Variants in CASP14 observed in about 807,000 individuals in gnomAD.
CASP14 encodes the protein caspase 14, also known as caspase-14.
CASP14 carries 27 observed loss-of-function variants against 28.4 expected under a neutral mutation model. The ratio of observed to expected loss-of-function variants is 0.95; its 90% confidence interval spans 0.70 to 1.31. The LOEUF (loss-of-function observed/expected upper bound fraction) is 1.31, where lower values mean the gene tolerates loss of function less well. CASP14 is among the 50% of genes most tolerant of loss of function. The probability of loss-of-function intolerance (pLI) is 0.00; values close to 1 mark genes in which losing one functional copy is unlikely to be tolerated. For synonymous variants in CASP14, 115 were observed against 118.6 expected (o/e 0.97, Z 0.20); for missense variants, 323 against 312.8 (o/e 1.03, Z -0.25).
At position 15,053,771 on chromosome 19, in the gene CASP14, C is replaced by T. The variant is rs1404950100; in HGVS notation, c.216C>T (p.Ile72=). 5.6e-6 allele frequency: 9 copies of T among 1,613,698 alleles called. No individual in the cohort carries two copies. In the South Asian group the frequency reaches 6.6e-5, roughly 12 times the overall value. ...AGCTGGAAAAATTCCAGCAGGCCAT[C>T]GATTCCCGGGAAGATCCCGTCAGTT... ...QEELEKFQQA[I]DSREDPVSCA... Residue 72 remains isoleucine (I), a synonymous_variant, in exon 4 of 7, where the codon ATC becomes ATT. Transcript: ENST00000427043.
chr19:15,055,538 G>C lies in CASP14; in HGVS notation c.624+5G>C, dbSNP rs2046112972. ...ATCTTGGAACTTCTGACAGAGGTGA[G>C]TTGACAAAAGGTAGCTGGGACCACC... On this transcript the variant is annotated splice_donor_5th_base_variant and intron_variant, in intron 6 of 6. Coordinates refer to ENST00000427043, the MANE Select transcript of CASP14 (RefSeq NM_012114.3). The C allele has an allele frequency of 1.2e-6, 2 of 1,610,520 alleles. No individual in the cohort carries two copies. Among genetic ancestry groups the C allele is most frequent in the South Asian group, 2.2e-5 (2 of 90,990 alleles).
At chr19:15,053,992 TTTG>T (rs753056201) in intron 4 of CASP14, 34 bp downstream of exon 4, 30 of 1,566,328 alleles carry the variant, frequency 1.9e-5, no homozygotes, top group Non-Finnish European at 2.4e-5. Flanking sequence ...GAGTCTGTGG[TTTG>T]TTGTTTCTGT....
intron 2 of CASP14, among the ~76,000 whole-genome samples, chr19:15,052,944 A>G (rs2046097794): frequency 6.6e-6 from 1 of 152,230 alleles, no homozygotes. Context: ...CACCCAATTC[A>G]ATTTGAATTT....
Position 15,056,046 on chromosome 19 carries a change from C to G in CASP14, c.686C>G (p.Pro229Arg). Reference sequence around the variant, plus strand: ...GAAGGAAAAGCAAGGAAAACGAACCCTGAAATCCAAAGCACCCTCCGGAAA... The same window carrying G: ...GAAGGAAAAGCAAGGAAAACGAACCGTGAAATCCAAAGCACCCTCCGGAAA... ...VQEGKARKTNPEIQSTLRKRL... is the reference protein window; with the variant it reads ...VQEGKARKTNREIQSTLRKRL... The change falls in exon 7 of 7, where the codon CCT (proline) becomes CGT (arginine). Residue 229 changes from proline to arginine, a missense_variant. Physicochemically the swap from Pro to Arg is moderately radical, Grantham distance 103. Coordinates refer to ENST00000427043, the MANE Select transcript of CASP14 (RefSeq NM_012114.3). 6.2e-7 allele frequency: 1 copy of G among 1,608,500 alleles called. No individual in the cohort carries two copies. The highest frequency in any genetic ancestry group is 8.5e-7 in the Non-Finnish European group (1 of 1,177,358).
rs979973795 is a variant in CASP14 at position 15,056,342 on chromosome 19, C to T, written c.*253C>T. On this transcript the variant is annotated 3_prime_UTR_variant, in exon 7 of 7. Coordinates refer to ENST00000427043, the MANE Select transcript of CASP14 (RefSeq NM_012114.3). ...GACTTTCTATCTTTATTAATGCAAC[C>T]GAAGAGACCTAAGAGTGCATTCACT... 8.3e-5 allele frequency: 31 copies of T among 375,636 alleles called. No individual in the cohort carries two copies. Among genetic ancestry groups the T allele is most frequent in the Non-Finnish European group, 6.1e-5 (12 of 195,150 alleles). The allele number at this position is 375,636 out of a possible 1,614,324, so 23.3% of individuals were successfully genotyped here.
intron 1 of CASP14, 47 bp from the exon 2 acceptor site, chr19:15,052,159 T>C: frequency 7.0e-7 from 1 of 1,431,448 alleles, no homozygotes; most frequent in East Asian, 2.6e-5. Context: ...CCTGAGCCCC[T>C]CGGCCTCCCT....
chr19:15,055,026 A>G, intron 4 of CASP14, 132 bp from the exon 5 acceptor site: 2 of 689,718 alleles, frequency 2.9e-6, no homozygotes, highest in Non-Finnish European at 5.3e-6. Flanking sequence ...TGCAGCCTCA[A>G]GCTCCCAGGT....
At position 15,049,647 on chromosome 19, in the gene CASP14, T is replaced by C. The variant is rs1047789246; in HGVS notation, c.-47+2T>C. ...GAGGAACAGCTGCCTCTAGAGTTGG[T>C]AAGTGATTTGGTGGATATTAGCCTC... is the stretch of plus-strand genomic sequence containing the variant. On this transcript the variant is annotated splice_donor_variant, in intron 1 of 6. Coordinates refer to ENST00000427043, the MANE Select transcript of CASP14 (RefSeq NM_012114.3). LOFTEE classifies it low-confidence loss of function (5UTR_SPLICE). The C allele has an allele frequency of 6.6e-6, 1 of 151,856 alleles. No homozygotes were observed. The highest frequency in any genetic ancestry group is 6.6e-5 in the Admixed American group (1 of 15,070). 9.4% of individuals were successfully genotyped at this position (151,856 alleles called of 1,614,324 possible). A position where few individuals can be genotyped will look rare whatever the true frequency, so the allele number is the denominator to read the frequency against.
Position 15,051,120 on chromosome 19 carries a change from A to T in CASP14, c.-46-1086A>T, listed in dbSNP as rs555631162. Among the ~76,000 whole-genome samples, 8 of 152,100 alleles carry T rather than the reference A, an allele frequency of 5.3e-5. No individual in the cohort carries two copies. In the East Asian group the frequency reaches 1.5e-3, roughly 29 times the overall value. ...ACTGGATAGATAGATGGATAAAAAC[A>T]TAGATGAATGGATGGTTGATGGGGG... On this transcript the variant is annotated intron_variant, in intron 1 of 6. Transcript: ENST00000427043.
At chr19:15,055,116 C>A (rs1398156005) in intron 4 of CASP14, 42 bp from the exon 5 acceptor site, 1 of 1,531,748 alleles carries the variant, frequency 6.5e-7, no homozygotes, top group Non-Finnish European at 9.0e-7. Context: ...CTTTCCTTAC[C>A]TTTCTCTCTG....
intron 6 of CASP14, 40 bp downstream of exon 6, chr19:15,055,573 A>G: frequency 6.8e-7 from 1 of 1,470,916 alleles, no homozygotes. Context: ...CGCCCAGGCC[A>G]AGAAGGGTGC....
Position 15,053,621 on chromosome 19 carries a change from C to T in CASP14, c.167C>T (p.Pro56Leu), listed in dbSNP as rs745487223. 6.2e-7 allele frequency: 1 copy of T among 1,614,110 alleles called. No homozygotes were observed. Among genetic ancestry groups the T allele is most frequent in the Non-Finnish European group, 8.5e-7 (1 of 1,180,028 alleles). The change falls in exon 3 of 7, where the codon CCC becomes CTC. Residue 56 changes from proline (P) to leucine (L), a missense_variant. Transcript: ENST00000427043. ...TTCGAAAGCACCATGAAAAGAGACC[C>T]CACTGCCGAGGTATTGGGGTGCCTA... ...LRFESTMKRD[P>L]TAEQFQEELE...
intron 4 of CASP14, chr19:15,054,917 A>G: frequency 2.3e-6 from 1 of 439,498 alleles, no homozygotes; most frequent in Admixed American, 3.5e-5. Flanking sequence ...CTGGGATTAC[A>G]GGTGTGAGCC....
rs2046085185 is a variant in CASP14 at position 15,050,496 on chromosome 19, T to TGGATGGATG, written c.-47+852_-47+853insGATGGATGG. 3.0e-4 allele frequency among the ~76,000 whole-genome samples: 39 copies of TGGATGGATG among 130,212 alleles called. 1 individual carries two copies. The highest frequency in any genetic ancestry group is 1.1e-3 in the African/African-American group (39 of 34,046). The allele number at this position is 130,212 out of a possible 152,430, so 85.4% of individuals were successfully genotyped here. Reference sequence around the variant, plus strand: ...TAGGTGGGTGGGTGGGTGGATGGATTGATGGATGGATGGATGGATGGGTGG... The same window carrying TGGATGGATG: ...TAGGTGGGTGGGTGGGTGGATGGATTGGATGGATGGATGGATGGATGGATGGATGGGTGG... On this transcript the variant is annotated intron_variant, in intron 1 of 6. Transcript: ENST00000427043.
In CASP14 at chr19:15,055,248, C is replaced by T. The variant is rs2046110854; in HGVS notation, c.494C>T (p.Ala165Val). 1 of 1,613,870 alleles carries T rather than the reference C, an allele frequency of 6.2e-7. No individual in the cohort carries two copies. The highest frequency in any genetic ancestry group is 1.3e-5 in the African/African-American group (1 of 74,890). The change falls in exon 5 of 7, where the codon GCC (alanine) becomes GTC (valine). Residue 165 changes from alanine (A) to valine (V), a missense_variant. Physicochemically the swap from Ala to Val is moderately conservative, Grantham distance 64. Coordinates refer to ENST00000427043, the MANE Select transcript of CASP14 (RefSeq NM_012114.3). Reference sequence around the variant, plus strand: ...CAAACCATCCCAACATACACAGATGCCTTGCACGTTTATTCCACGGTAGAG... The same window carrying T: ...CAAACCATCCCAACATACACAGATGTCTTGCACGTTTATTCCACGGTAGAG... ...SPQTIPTYTD[A>V]LHVYSTVEGY...
At chr19:15,053,328 G>A (rs530459565) in intron 2 of CASP14, among the ~76,000 whole-genome samples, 154 bp from the exon 3 acceptor site, 1 of 151,828 alleles carries the variant, frequency 6.6e-6, no homozygotes, top group Non-Finnish European at 1.5e-5. Flanking sequence ...GGCTGGTCTC[G>A]AACTCTTGGG....
At position 15,053,721 on chromosome 19, in the gene CASP14, C is replaced by T. The variant is rs1299616588; in HGVS notation, c.178-12C>T. On this transcript the variant is annotated splice_polypyrimidine_tract_variant and intron_variant, in intron 3 of 6. Coordinates refer to ENST00000427043, the MANE Select transcript of CASP14 (RefSeq NM_012114.3). ...GGGACCCAGCTGAGTCTGGTTCTTC[C>T]TCTCACTCCAGCAATTCCAGGAAGA... The T allele has an allele frequency of 6.2e-7, 1 of 1,612,916 alleles. No individual in the cohort carries two copies. The highest frequency in any genetic ancestry group is 1.1e-5 in the South Asian group (1 of 91,038).
At chr19:15,054,042 T>C in intron 4 of CASP14, 84 bp downstream of exon 4, 1 of 1,130,708 alleles carries the variant, frequency 8.8e-7, no homozygotes, top group Non-Finnish European at 1.3e-6. Context: ...TGGAATGCAG[T>C]GGCGGAATCT....
At position 15,057,891 on chromosome 19, in the gene CASP14, A is replaced by G. The variant is rs1412291010; in HGVS notation, c.*1802A>G. ...GTGAGACAGTGAGATCCGGTCTCCA[A>G]AATAAATCAATCAATCAAATAAAGA... On this transcript the variant is annotated 3_prime_UTR_variant, in exon 7 of 7. Transcript: ENST00000427043. 2.0e-5 allele frequency: 3 copies of G among 152,232 alleles called. No homozygotes were observed. The highest frequency in any genetic ancestry group is 7.2e-5 in the African/African-American group (3 of 41,440). The allele number at this position is 152,232 out of a possible 1,614,324, so 9.4% of individuals were successfully genotyped here.
Sources: gnomAD v4.1 joint callset for allele counts (sites outside exome capture counted in the v4.1 genomes callset) on GRCh38, gnomAD v4.1.1 for gene constraint, MANE v1.5 for transcripts, NCBI Gene and HGNC (gene_info 2026-07-23, HGNC 2026-07-21) for gene names.